The following PPP1R37 variants were observed in gnomAD, a reference collection of about 807,000 sequenced individuals.
The protein encoded by PPP1R37 is protein phosphatase 1 regulatory subunit 37, also known as leucine rich repeat containing 68.
In PPP1R37, 21 loss-of-function variants were observed where a neutral mutation model predicts 61.0. The ratio of observed to expected loss-of-function variants is 0.34; its 90% confidence interval spans 0.24 to 0.50. The LOEUF is 0.50. Ranked by LOEUF, PPP1R37 falls within the 20% of genes least tolerant of loss-of-function variation. PPP1R37 has a pLI of 0.98. For missense variants in PPP1R37, 910 were observed against 952.7 expected (o/e 0.96, Z 0.59); for synonymous variants, 443 against 433.5 (o/e 1.02, Z -0.27).
chr19:45,115,974 CA>C (rs35020667), intron 1 of PPP1R37, among the ~76,000 whole-genome samples: 406 of 128,060 alleles, frequency 3.2e-3, no homozygotes, highest in South Asian at 5.4e-3. Flanking sequence ...GACTCTGTCT[CA>C]AAAAAAAAAA....
chr19:45,104,007 C>T (rs1230121312), intron 1 of PPP1R37, among the ~76,000 whole-genome samples: 1 of 152,078 alleles, frequency 6.6e-6, no homozygotes, highest in Non-Finnish European at 1.5e-5. Context: ...TAGACACAGG[C>T]GCCTCTGCCT....
In PPP1R37 at chr19:45,120,259, C is replaced by T. The variant is rs568957967; in HGVS notation, c.203-18255C>T. On this transcript the variant is annotated intron_variant, in intron 1 of 12. Transcript: ENST00000221462. Reference sequence around the variant, plus strand: ...GTCTCGATCTCCTGACCTTGTGATCCGCCCACCTTAGCCTCCCAAAGTGCT... The same window carrying T: ...GTCTCGATCTCCTGACCTTGTGATCTGCCCACCTTAGCCTCCCAAAGTGCT... Among the ~76,000 whole-genome samples the T allele has an allele frequency of 1.6e-3, 244 of 152,208 alleles. 3 individuals carry two copies. Among genetic ancestry groups the T allele is most frequent in the Non-Finnish European group, 2.2e-3 (147 of 67,984 alleles).
At chr19:45,142,263 A>G (rs1331552888) in intron 6 of PPP1R37, 40 bp from the exon 7 acceptor site, 16 of 1,534,076 alleles carry the variant, frequency 1.0e-5, no homozygotes, top group Non-Finnish European at 1.4e-5. Flanking sequence ...GTTGGGGGGC[A>G]GGGGCCTGCC....
intron 8 of PPP1R37, 40 bp downstream of exon 8, chr19:45,143,673 C>T (rs1319837852): frequency 1.2e-5 from 15 of 1,214,850 alleles, no homozygotes; most frequent in East Asian, 5.1e-5. Context: ...CCTCGGTCCC[C>T]GCTGCCACCT....
intron 2 of PPP1R37, among the ~76,000 whole-genome samples, chr19:45,139,207 A>G (rs1968578212): frequency 6.6e-6 from 1 of 152,212 alleles, no homozygotes; most frequent in South Asian, 2.1e-4. Context: ...ATGAGCCACC[A>G]TGCCCAGCAT....
chr19:45,132,061 A>T (rs1281524896), intron 1 of PPP1R37, among the ~76,000 whole-genome samples: 1 of 152,174 alleles, frequency 6.6e-6, no homozygotes, highest in Non-Finnish European at 1.5e-5. Context: ...CTTTGTAGAA[A>T]ATACTCACAC....
intron 1 of PPP1R37, among the ~76,000 whole-genome samples, chr19:45,112,601 G>A (rs1968215684): frequency 6.6e-6 from 1 of 152,172 alleles, no homozygotes; most frequent in South Asian, 2.1e-4. Flanking sequence ...CTGCCCTCTA[G>A]TGGCCAGTGG....
intron 4 of PPP1R37, 189 bp downstream of exon 4, chr19:45,140,795 T>C: frequency 3.4e-6 from 2 of 590,920 alleles, no homozygotes; most frequent in South Asian, 2.0e-5. Context: ...GGAGGGCGCG[T>C]TGGGGCACCT....
In PPP1R37 at chr19:45,093,393, C is replaced by T. The variant is rs1967947859; in HGVS notation, c.68C>T (p.Ala23Val). The part of the protein sequence containing the change: ...GADGDIEEAP[A>V]EAGSPSPASP... The stretch of plus-strand genomic sequence containing the variant: ...GACGGCGACATTGAAGAGGCCCCAG[C>T]TGAGGCCGGGTCTCCCAGCCCCGCG... Residue 23 changes from alanine (A) to valine (V), a missense_variant, in exon 1 of 13, where the codon GCT (alanine) becomes GTT (valine). Coordinates refer to ENST00000221462, the MANE Select transcript of PPP1R37 (RefSeq NM_019121.2). 3.3e-6 allele frequency: 5 copies of T among 1,533,454 alleles called. No individual in the cohort carries two copies. Among genetic ancestry groups the T allele is most frequent in the Non-Finnish European group, 4.4e-6 (5 of 1,145,536 alleles). The allele number at this position is 1,533,454 out of a possible 1,614,324, so 95.0% of individuals were successfully genotyped here.
intron 1 of PPP1R37, among the ~76,000 whole-genome samples, chr19:45,098,212 C>T (rs941406571): frequency 4.7e-5 from 7 of 148,504 alleles, no homozygotes; most frequent in African/African-American, 1.6e-4. Context: ...CGTGGGTGCC[C>T]GTGGGGAGCG....
chr19:45,129,294 C>T (rs1302236999), intron 1 of PPP1R37, among the ~76,000 whole-genome samples: 2 of 151,992 alleles, frequency 1.3e-5, no homozygotes, highest in African/African-American at 2.4e-5. Context: ...AGACGGTGGG[C>T]GATGCTTGTG....
At position 45,104,748 on chromosome 19, in the gene PPP1R37, C is replaced by A. The variant is rs202225550; in HGVS notation, c.202+11221C>A. The stretch of plus-strand genomic sequence containing the variant: ...TAGGAAGCCCAGGTATAACCTGGCT[C>A]TTGCCACCATCGCCGGCCACGACCG... On this transcript the variant is annotated intron_variant, in intron 1 of 12. Coordinates refer to ENST00000221462, the MANE Select transcript of PPP1R37 (RefSeq NM_019121.2). 7.2e-5 allele frequency among the ~76,000 whole-genome samples: 11 copies of A among 152,268 alleles called. No individual in the cohort carries two copies. In the East Asian group the frequency reaches 2.1e-3, roughly 29 times the overall value.
chr19:45,120,175 G>T (rs528799987), intron 1 of PPP1R37, among the ~76,000 whole-genome samples: 3 of 151,802 alleles, frequency 2.0e-5, no homozygotes, highest in African/African-American at 7.3e-5. Flanking sequence ...CCGCCACCAC[G>T]CCTGACTAAT....
chr19:45,127,776 A>G (rs1968425628), intron 1 of PPP1R37, among the ~76,000 whole-genome samples: 1 of 152,056 alleles, frequency 6.6e-6, no homozygotes, highest in Admixed American at 6.5e-5. Context: ...GGAGATAGAG[A>G]CCATCCTGAC....
At chr19:45,123,914 C>G (rs936134008) in intron 1 of PPP1R37, among the ~76,000 whole-genome samples, 3 of 151,734 alleles carry the variant, frequency 2.0e-5, no homozygotes, top group African/African-American at 7.3e-5. Context: ...CCTTCCTGGC[C>G]AGAACATCCC....
At position 45,117,666 on chromosome 19, in the gene PPP1R37, T is replaced by C. The variant is rs1348464211; in HGVS notation, c.203-20848T>C. Among the ~76,000 whole-genome samples, 9 of 152,282 alleles carry C rather than the reference T, an allele frequency of 5.9e-5. No individual in the cohort carries two copies. The East Asian group carries it at 1.7e-3, about 29-fold the overall frequency. ...CCATGGGCATGCAGTTCTGAAGCGC[T>C]GACTGGTGGTGGGAAACCTAGCCTG... is the stretch of plus-strand genomic sequence containing the variant. On this transcript the variant is annotated intron_variant, in intron 1 of 12. Coordinates refer to ENST00000221462, the MANE Select transcript of PPP1R37 (RefSeq NM_019121.2).
Position 45,138,496 on chromosome 19 carries a change from G to A in PPP1R37, c.203-18G>A. On this transcript the variant is annotated intron_variant, in intron 1 of 12. Coordinates refer to ENST00000221462, the MANE Select transcript of PPP1R37 (RefSeq NM_019121.2). ...CGGGGTGTGGACAGTCACAGGCCTGGGTCCCCTGTGCCTGCAGCCCAGAAT... is the reference window on the plus strand; with the variant it reads ...CGGGGTGTGGACAGTCACAGGCCTGAGTCCCCTGTGCCTGCAGCCCAGAAT... 1 of 1,530,012 alleles carries A rather than the reference G, an allele frequency of 6.5e-7. No individual in the cohort carries two copies. The highest frequency in any genetic ancestry group is 8.8e-7 in the Non-Finnish European group (1 of 1,141,600). The allele number at this position is 1,530,012 out of a possible 1,614,324, so 94.8% of individuals were successfully genotyped here.
At chr19:45,137,286 C>CA (rs1968550973) in intron 1 of PPP1R37, among the ~76,000 whole-genome samples, 1 of 152,228 alleles carries the variant, frequency 6.6e-6, no homozygotes, top group African/African-American at 2.4e-5. Context: ...TGGGCAAACA[C>CA]AACGCAGCAC....
At chr19:45,120,277 A>G (rs1968325577) in intron 1 of PPP1R37, among the ~76,000 whole-genome samples, 1 of 152,142 alleles carries the variant, frequency 6.6e-6, no homozygotes, top group Non-Finnish European at 1.5e-5. Context: ...TTAGCCTCCC[A>G]AAGTGCTGGG....
Sources: allele counts gnomAD v4.1 joint callset (sites outside exome capture counted in the v4.1 genomes callset), GRCh38; gene constraint gnomAD v4.1.1; transcripts MANE v1.5; gene names NCBI Gene and HGNC (gene_info 2026-07-23, HGNC 2026-07-21).